Variants in APOL3 observed in about 807,000 individuals in gnomAD.
APOL3 encodes the protein TNF-inducible protein CG12-1.
In APOL3, 14 loss-of-function variants were observed where a neutral mutation model predicts 11.6. The observed-to-expected ratio is 1.21, with a 90% CI of 0.80 to 1.89. The LOEUF is 1.89. Among genes scored for constraint, APOL3 ranks in the 40% most tolerant of loss-of-function variants. The pLI, the probability that APOL3 is intolerant of heterozygous loss-of-function variation, is 0.00. For missense variants in APOL3, 483 were observed against 492.1 expected, an observed-to-expected ratio of 0.98 and a Z score of 0.17; for synonymous variants, 192 against 190.6, an observed-to-expected ratio of 1.01 and a Z score of -0.06.
exon 3 of APOL3, chr22:36,141,699 G>A (rs752189565): frequency 3.1e-6 from 5 of 1,614,108 alleles, no homozygotes; most frequent in East Asian, 2.2e-5. Flanking sequence ...CACGATGCTG[G>A]TGGTGATCCC....
chr22:36,161,299 A>C (rs2013680936), upstream of APOL3, among the ~76,000 whole-genome samples: 1 of 152,130 alleles, frequency 6.6e-6, no homozygotes, highest in Admixed American at 6.5e-5. Flanking sequence ...CCAGGGTTCA[A>C]ATGAACCTCC....
At chr22:36,143,192 A>G (rs1189590293) in intron 2 of APOL3, among the ~76,000 whole-genome samples, 2 of 152,234 alleles carry the variant, frequency 1.3e-5, no homozygotes, top group African/African-American at 4.8e-5. Context: ...TTTTTCCTTA[A>G]CTGGGTGAGC....
intron 1 of APOL3, among the ~76,000 whole-genome samples, chr22:36,152,022 A>AG (rs2011800663): frequency 6.6e-6 from 1 of 152,038 alleles, no homozygotes; most frequent in Non-Finnish European, 1.5e-5. Flanking sequence ...ACTCATGGAG[A>AG]GGGGATAAGG....
chr22:36,151,309 G>C (rs919120955), intron 1 of APOL3, among the ~76,000 whole-genome samples: 1 of 152,092 alleles, frequency 6.6e-6, no homozygotes, highest in African/African-American at 2.4e-5. Flanking sequence ...ACAAAAAATG[G>C]GGAAAAGGTC....
At chr22:36,148,932 A>T (rs2060322307) in intron 1 of APOL3, 114 bp downstream of exon 2, 2 of 1,060,298 alleles carry the variant, frequency 1.9e-6, no homozygotes, top group African/African-American at 3.2e-5. Flanking sequence ...GGGAAGACTC[A>T]TCGGCCTGCT....
At chr22:36,140,709 T>C (rs2146713686) in exon 3 of APOL3, 1 of 159,312 alleles carries the variant, frequency 6.3e-6, no homozygotes, top group South Asian at 1.9e-4. Context: ...ACAGAGTGGA[T>C]GCTGGAAAGA....
At chr22:36,159,885 T>A (rs1222766259) in intron 1 of APOL3, among the ~76,000 whole-genome samples, 1 of 151,860 alleles carries the variant, frequency 6.6e-6, no homozygotes, top group Non-Finnish European at 1.5e-5. Flanking sequence ...TCTCTCTTTT[T>A]TTTTTTTGAG....
intron 1 of APOL3, among the ~76,000 whole-genome samples, chr22:36,159,953 C>T (rs1192475413): frequency 6.6e-6 from 1 of 151,994 alleles, no homozygotes; most frequent in Non-Finnish European, 1.5e-5. Flanking sequence ...GCGATCTCGA[C>T]TCACTGCAAC....
chr22:36,144,508 G>A (rs1476386064), intron 2 of APOL3, among the ~76,000 whole-genome samples: 1 of 152,058 alleles, frequency 6.6e-6, no homozygotes, highest in African/African-American at 2.4e-5. Flanking sequence ...AGCTGTGCAG[G>A]GACAGAGCCA....
upstream of APOL3, chr22:36,165,887 T>C (rs2013847617): frequency 1.3e-5 from 2 of 152,204 alleles, no homozygotes; most frequent in Admixed American, 1.3e-4. Flanking sequence ...AAATAGACAT[T>C]AGCAGCTAGG....
At chr22:36,141,906 T>C (rs757404365) in exon 3 of APOL3, 2 of 1,614,224 alleles carry the variant, frequency 1.2e-6, no homozygotes, top group East Asian at 2.2e-5. Flanking sequence ...ACGAAGCTTT[T>C]CTATGGACTC....
chr22:36,144,861 A>T (rs1046798472), intron 2 of APOL3, among the ~76,000 whole-genome samples: 2 of 151,860 alleles, frequency 1.3e-5, no homozygotes, highest in Non-Finnish European at 2.9e-5. Flanking sequence ...TACAAAAAAA[A>T]ATAGCCGGAT....
chr22:36,141,198 G>A (rs757707038), exon 3 of APOL3: 4 of 1,611,538 alleles, frequency 2.5e-6, no homozygotes, highest in Admixed American at 3.3e-5. Context: ...ACTGGTCTGG[G>A]GTCAGTGGGT....
At chr22:36,155,090 G>A (rs568844168) in intron 1 of APOL3, among the ~76,000 whole-genome samples, 12 of 152,310 alleles carry the variant, frequency 7.9e-5, no homozygotes, top group African/African-American at 2.6e-4. Context: ...GAGTGATCTG[G>A]CAGCCCCAGC....
At chr22:36,163,518 T>TTTTC (rs749814270), upstream of APOL3, among the ~76,000 whole-genome samples, 4 of 152,358 alleles carry the variant, frequency 2.6e-5, no homozygotes, top group East Asian at 5.8e-4. Context: ...GCTTCATTTC[T>TTTTC]TTTCTTTCTT....
At chr22:36,154,461 A>G in intron 1 of APOL3, 1 of 381,318 alleles carries the variant, frequency 2.6e-6, no homozygotes, top group Non-Finnish European at 5.3e-6. Flanking sequence ...ATCGTAACAG[A>G]GAATGTTTAA....
chr22:36,161,852 A>T (rs927930537), upstream of APOL3, among the ~76,000 whole-genome samples: 8 of 105,630 alleles, frequency 7.6e-5, no homozygotes, highest in African/African-American at 2.0e-4. Flanking sequence ...GATGACGAGA[A>T]AAAGGTGGGG....
chr22:36,152,812 C>T (rs1294775803), intron 1 of APOL3, among the ~76,000 whole-genome samples: 5 of 152,118 alleles, frequency 3.3e-5, no homozygotes, highest in Non-Finnish European at 4.4e-5. Flanking sequence ...ATGATTTACT[C>T]CCTAAAGAAA....
rs752703010 is a variant in APOL3 at position 36,141,495 on chromosome 22, G to T, written c.914C>A (p.Ala305Asp). 9 of 1,614,050 alleles carry T rather than the reference G, an allele frequency of 5.6e-6. No individual in the cohort carries two copies. In the South Asian group the frequency reaches 8.8e-5, roughly 16 times the overall value. ...TCGCCAGGTGGTCACAGGGAGTCGG[G>T]CCCTGGCTCTGGCTTGCCTGATGGC... Residue 305 changes from alanine (A) to aspartate (D), a missense_variant, in exon 3 of 3, where the codon GCC becomes GAC. By Grantham distance (126) the Ala-to-Asp change is moderately radical. Coordinates refer to ENST00000349314, the Ensembl canonical transcript of APOL3.
Sources: gnomAD v4.1 joint callset for allele counts (sites outside exome capture counted in the v4.1 genomes callset) on GRCh38, gnomAD v4.1.1 for gene constraint, MANE v1.5 for transcripts, NCBI Gene and HGNC (gene_info 2026-07-23, HGNC 2026-07-21) for gene names.